DYNLT1: variants seen among roughly 807,000 people sequenced by gnomAD.
DYNLT1 encodes dynein light chain Tctex-type 1, also known as T-complex testis-specific protein 1 homolog.
DYNLT1 carries 18 observed loss-of-function variants against 19.6 expected under a neutral mutation model. The observed-to-expected ratio is 0.92, with a 90% CI of 0.64 to 1.36. The LOEUF is 1.36. Among genes scored for constraint, DYNLT1 ranks in the 40% most tolerant of loss-of-function variants. DYNLT1 has a pLI of 0.00. For missense variants in DYNLT1, 137 were observed against 139.3 expected (o/e 0.98, Z 0.08); for synonymous variants, 56 against 44.0 (o/e 1.27, Z -1.07).
At chr6:158,641,385 G>A (rs768707713) in intron 1 of DYNLT1, 25 bp from the exon 2 acceptor site, 1 of 1,576,306 alleles carries the variant, frequency 6.3e-7, no homozygotes, top group Non-Finnish European at 8.6e-7. Flanking sequence ...ATTCAGTTAA[G>A]TTTGATTTAT....
intron 1 of DYNLT1, 86 bp downstream of exon 1, chr6:158,644,596 A>G: frequency 1.3e-6 from 2 of 1,536,560 alleles, no homozygotes; most frequent in Non-Finnish European, 8.9e-7. Context: ...GGAGGTGGGC[A>G]GCCAGGCCTT....
intron 3 of DYNLT1, 68 bp from the exon 4 acceptor site, chr6:158,637,273 T>C: frequency 2.1e-6 from 3 of 1,417,256 alleles, no homozygotes; most frequent in South Asian, 1.2e-5. Flanking sequence ...TGTCCACTTT[T>C]AGCAAACGTA....
intron 2 of DYNLT1, among the ~76,000 whole-genome samples, chr6:158,639,052 GTCCTCA>G (rs1787082069): frequency 6.6e-6 from 1 of 152,220 alleles, no homozygotes; most frequent in Admixed American, 6.5e-5. Flanking sequence ...GCCAAGGTCT[GTCCTCA>G]GACAGGCAGA....
Position 158,636,941 on chromosome 6 carries a change from G to T in DYNLT1, c.272-44C>A, listed in dbSNP as rs777944490. On this transcript the variant is annotated intron_variant, in intron 4 of 4. Coordinates refer to ENST00000367089, the MANE Select transcript of DYNLT1 (RefSeq NM_006519.4). ...CAGCATTTACGGCAGGGAAAGCTGG[G>T]GGACGACGTTTTACTCACAATAAGG... The T allele has an allele frequency of 1.9e-6, 3 of 1,601,514 alleles. No homozygotes were observed. The South Asian group carries it at 3.3e-5, about 18-fold the overall frequency.
intron 1 of DYNLT1, among the ~76,000 whole-genome samples, 154 bp downstream of exon 1, chr6:158,644,528 C>A (rs1254714099): frequency 1.3e-5 from 2 of 152,318 alleles, no homozygotes; most frequent in African/African-American, 4.8e-5. Context: ...TGGGGCCGGG[C>A]GGAGCGCCGG....
In DYNLT1 at chr6:158,637,807, G is replaced by A. The variant is rs1340289405; in HGVS notation, c.157C>T (p.Gln53Ter). 2 of 1,613,658 alleles carry A rather than the reference G, an allele frequency of 1.2e-6. No individual in the cohort carries two copies. Among genetic ancestry groups the A allele is most frequent in the Non-Finnish European group, 8.5e-7 (1 of 1,180,012 alleles). The change falls in exon 3 of 5, where the codon CAA (glutamine) becomes TAA (stop). Residue 53 changes from glutamine (Q) to a stop codon, truncating the protein, a stop_gained. Transcript: ENST00000367089. LOFTEE classifies it high-confidence loss of function. Reference protein sequence around the residue: ...TTNVVEQTLSQLTKLGKPFKY... With the variant: ...TTNVVEQTLS ...AATGGTTTTCCCAGCTTGGTGAGTT[G>A]GCTTAAAGTTTGTTCTACTACATTT... is the stretch of plus-strand genomic sequence containing the variant.
At position 158,636,661 on chromosome 6, in the gene DYNLT1, G is replaced by A. The variant is rs1323323419; in HGVS notation, c.*166C>T. On this transcript the variant is annotated 3_prime_UTR_variant, in exon 5 of 5. Coordinates refer to ENST00000367089, the MANE Select transcript of DYNLT1 (RefSeq NM_006519.4). ...AGGTGACCTACAGGGATACTCATCT[G>A]ACTTCGGTGCCATTCACATCACAGT... is the stretch of plus-strand genomic sequence containing the variant. 2 of 687,560 alleles carry A rather than the reference G, an allele frequency of 2.9e-6. No homozygotes were observed. The highest frequency in any genetic ancestry group is 5.7e-5 in the Admixed American group (2 of 34,986). The allele number at this position is 687,560 out of a possible 1,614,324, so 42.6% of individuals were successfully genotyped here.
At chr6:158,640,064 T>TA (rs1787104082) in intron 2 of DYNLT1, among the ~76,000 whole-genome samples, 1 of 152,176 alleles carries the variant, frequency 6.6e-6, no homozygotes, top group Non-Finnish European at 1.5e-5. Context: ...GCGGCAGAAC[T>TA]AGACTTCCCA....
intron 2 of DYNLT1, among the ~76,000 whole-genome samples, chr6:158,640,360 T>C (rs1787110335): frequency 1.3e-5 from 2 of 152,186 alleles, no homozygotes; most frequent in African/African-American, 4.8e-5. Context: ...AACAGTATCA[T>C]TAAATTCAGA....
At chr6:158,638,785 TTATC>T (rs993713488) in intron 2 of DYNLT1, among the ~76,000 whole-genome samples, 12 of 152,198 alleles carry the variant, frequency 7.9e-5, no homozygotes, top group South Asian at 6.2e-4. Context: ...GTTTACTTCT[TTATC>T]TATGCTGTAT....
At chr6:158,642,577 G>GA (rs1207836804) in intron 1 of DYNLT1, 4 of 151,924 alleles carry the variant, frequency 2.6e-5, no homozygotes, top group Non-Finnish European at 5.9e-5. Context: ...TTTTTAGGGG[G>GA]TTCAGGAGCT....
intron 3 of DYNLT1, chr6:158,637,508 C>T (rs1264465176): frequency 4.8e-6 from 3 of 627,416 alleles, no homozygotes; most frequent in Admixed American, 6.0e-5. Context: ...CAGCTGGGGG[C>T]TGTCCACACT....
chr6:158,637,363 A>C, intron 3 of DYNLT1, 158 bp from the exon 4 acceptor site: 1 of 661,890 alleles, frequency 1.5e-6, no homozygotes, highest in Non-Finnish European at 2.6e-6. Flanking sequence ...ATATTGACAA[A>C]TTATAGGTGC....
chr6:158,641,248 G>A, intron 2 of DYNLT1, 71 bp downstream of exon 2: 2 of 1,387,916 alleles, frequency 1.4e-6, no homozygotes, highest in Non-Finnish European at 2.0e-6. Context: ...TTCCAAGATA[G>A]TATTTAAAAC....
intron 4 of DYNLT1, 73 bp downstream of exon 4, chr6:158,637,055 C>T: frequency 6.3e-7 from 1 of 1,583,766 alleles, no homozygotes; most frequent in Non-Finnish European, 8.7e-7. Context: ...ACATGCATTG[C>T]ATTCAAAGAT....
At chr6:158,643,934 C>G (rs1291134683) in intron 1 of DYNLT1, among the ~76,000 whole-genome samples, 1 of 151,954 alleles carries the variant, frequency 6.6e-6, no homozygotes, top group Non-Finnish European at 1.5e-5. Context: ...CTCAGCTGCG[C>G]CCATCAGCTC....
In DYNLT1 at chr6:158,636,887, A is replaced by G. The variant is rs772200316; in HGVS notation, c.282T>C (p.Thr94=). ...ACATGGTCTTATTCTCCCATCGCACAGTGCAGCTCCCTGCGGGAGGGAAGA... is the reference window on the plus strand; with the variant it reads ...ACATGGTCTTATTCTCCCATCGCACGGTGCAGCTCCCTGCGGGAGGGAAGA... ...FWDSSTDGSC[T]VRWENKTMYC... Residue 94 remains threonine (T), a synonymous_variant, in exon 5 of 5, where the codon ACT becomes ACC. Transcript: ENST00000367089. 1.2e-5 allele frequency: 20 copies of G among 1,613,554 alleles called. 2 individuals are homozygous for G. The South Asian group carries it at 2.1e-4, about 17-fold the overall frequency.
In DYNLT1 at chr6:158,644,709, C is replaced by CTTTCCTCCGGCGCG. The variant is rs1787323199; in HGVS notation, c.-15_-2dup. 1.2e-6 allele frequency: 2 copies of CTTTCCTCCGGCGCG among 1,611,628 alleles called. No individual in the cohort carries two copies. The highest frequency in any genetic ancestry group is 3.3e-5 in the Admixed American group (2 of 59,996). On this transcript the variant is annotated 5_prime_UTR_variant, in exon 1 of 5. Coordinates refer to ENST00000367089, the MANE Select transcript of DYNLT1 (RefSeq NM_006519.4). ...CCTCCGCAGCCTGGTAGTCTTCCAT[C>CTTTCCTCCGGCGCG]TTTCCTCCGGCGCGTCCCCTCCGGC...
intron 1 of DYNLT1, among the ~76,000 whole-genome samples, chr6:158,643,357 T>C (rs928035232): frequency 6.6e-6 from 1 of 152,236 alleles, no homozygotes; most frequent in Admixed American, 6.5e-5. Flanking sequence ...AAACACTGAT[T>C]ATGCCACTGT....
Sources: allele counts gnomAD v4.1 joint callset (sites outside exome capture counted in the v4.1 genomes callset), GRCh38; gene constraint gnomAD v4.1.1; transcripts MANE v1.5; gene names NCBI Gene and HGNC (gene_info 2026-07-23, HGNC 2026-07-21).